MCMBP: variants seen among roughly 807,000 people sequenced by gnomAD.
The protein encoded by MCMBP is mini-chromosome maintenance complex-binding protein.
MCMBP carries 31 observed loss-of-function variants against 81.3 expected under a neutral mutation model. The ratio of observed to expected loss-of-function variants is 0.38; its 90% CI spans 0.29 to 0.51. The LOEUF is 0.51. MCMBP is among the 20% of genes least tolerant of loss of function. The pLI is 0.87. For missense variants in MCMBP, 645 were observed against 772.1 expected (o/e 0.84, Z 1.95); for synonymous variants, 267 against 275.9 (o/e 0.97, Z 0.32).
intron 1 of MCMBP, among the ~76,000 whole-genome samples, chr10:119,866,620 C>T (rs1464154707): frequency 6.7e-6 from 1 of 149,644 alleles, no homozygotes; most frequent in South Asian, 2.1e-4. Context: ...AGTGAGACTC[C>T]GTCTCAAAAA....
chr10:119,840,689 G>A (rs1034605019), intron 11 of MCMBP, among the ~76,000 whole-genome samples, 154 bp downstream of exon 11: 6 of 152,196 alleles, frequency 3.9e-5, no homozygotes, highest in Admixed American at 3.3e-4. Flanking sequence ...TTAGGGGAAC[G>A]TACATTTTAA....
chr10:119,842,841 C>T (rs140192989), intron 9 of MCMBP: 334 of 398,368 alleles, frequency 8.4e-4, no homozygotes, highest in African/African-American at 5.2e-3. Flanking sequence ...CTCAGCTCAC[C>T]GCAACCTCTG....
At chr10:119,847,331 T>C (rs1162654882) in intron 8 of MCMBP, among the ~76,000 whole-genome samples, 1 of 152,220 alleles carries the variant, frequency 6.6e-6, no homozygotes, top group Non-Finnish European at 1.5e-5. Context: ...TTTTGATACC[T>C]GTACTCTAAT....
At position 119,843,432 on chromosome 10, in the gene MCMBP, G is replaced by A; in HGVS notation, c.828-6C>T. The A allele has an allele frequency of 1.2e-6, 2 of 1,610,598 alleles. No individual in the cohort carries two copies. The highest frequency in any genetic ancestry group is 1.7e-6 in the Non-Finnish European group (2 of 1,177,532). On this transcript the variant is annotated splice_polypyrimidine_tract_variant and splice_region_variant and intron_variant, in intron 8 of 15. Transcript: ENST00000369077. ...CCAGCAGTGCAGAGGCATCCCTGTGGAGAGGTGATAAAGTTTCAATTTAGA... is the reference window on the plus strand; with the variant it reads ...CCAGCAGTGCAGAGGCATCCCTGTGAAGAGGTGATAAAGTTTCAATTTAGA...
At chr10:119,870,040 C>A (rs1174763045) in intron 1 of MCMBP, among the ~76,000 whole-genome samples, 1 of 152,210 alleles carries the variant, frequency 6.6e-6, no homozygotes, top group Non-Finnish European at 1.5e-5. Flanking sequence ...TAAATAGCCA[C>A]ACATGGCTAC....
chr10:119,833,863 T>C (rs1008528544), intron 14 of MCMBP, among the ~76,000 whole-genome samples: 6 of 151,916 alleles, frequency 3.9e-5, no homozygotes, highest in African/African-American at 1.5e-4. Context: ...TTCAGGAAAA[T>C]ATGAGAATCA....
Position 119,853,111 on chromosome 10 carries a change from A to G in MCMBP, c.513T>C (p.Asp171=), listed in dbSNP as rs1330049908. 4 of 1,614,046 alleles carry G rather than the reference A, an allele frequency of 2.5e-6. No homozygotes were observed. Among genetic ancestry groups the G allele is most frequent in the Non-Finnish European group, 2.5e-6 (3 of 1,180,036 alleles). ...PSRHKRSYED[D]DDMDLQPNKQ... ...TATTGGGCTGTAGGTCCATATCGTCATCATCTTCATAACTCCTCTTGTGGC... is the reference window on the plus strand; with the variant it reads ...TATTGGGCTGTAGGTCCATATCGTCGTCATCTTCATAACTCCTCTTGTGGC... Residue 171 remains aspartate (D), a synonymous_variant, in exon 6 of 16, where the codon GAT becomes GAC. Transcript: ENST00000369077.
chr10:119,853,129 C>T lies in MCMBP; in HGVS notation c.495G>A (p.Lys165=). 6.2e-7 allele frequency: 1 copy of T among 1,614,168 alleles called. No individual in the cohort carries two copies. The highest frequency in any genetic ancestry group is 1.1e-5 in the South Asian group (1 of 91,082). Residue 165 remains lysine, a synonymous_variant, in exon 6 of 16, where the codon AAG becomes AAA. Coordinates refer to ENST00000369077, the MANE Select transcript of MCMBP (RefSeq NM_001256378.2). The part of the protein sequence containing the change: ...PSTSYTPSRH[K]RSYEDDDDMD... ...TATCGTCATCATCTTCATAACTCCTCTTGTGGCGACTAGGAGTGTAGGATG... is the reference window on the plus strand; with the variant it reads ...TATCGTCATCATCTTCATAACTCCTTTTGTGGCGACTAGGAGTGTAGGATG...
intron 14 of MCMBP, among the ~76,000 whole-genome samples, chr10:119,834,380 A>C (rs962850079): frequency 1.4e-4 from 21 of 152,224 alleles, no homozygotes; most frequent in African/African-American, 5.1e-4. Flanking sequence ...ATCAGAAACT[A>C]GTTGGCTTCT....
At chr10:119,869,104 G>T (rs77109135) in intron 1 of MCMBP, among the ~76,000 whole-genome samples, 1 of 152,196 alleles carries the variant, frequency 6.6e-6, no homozygotes, top group Admixed American at 6.5e-5. Flanking sequence ...CTGTTCCAGC[G>T]TCCAGGAAAG....
intron 11 of MCMBP, 100 bp from the exon 12 acceptor site, chr10:119,838,800 A>G (rs1341940941): frequency 3.7e-6 from 4 of 1,091,100 alleles, no homozygotes; most frequent in Middle Eastern, 3.1e-4. Context: ...GGAAAAAGTG[A>G]TCTTATAAAT....
chr10:119,868,761 C>T (rs1853561800), intron 1 of MCMBP, among the ~76,000 whole-genome samples: 1 of 152,066 alleles, frequency 6.6e-6, no homozygotes, highest in African/African-American at 2.4e-5. Flanking sequence ...AACTTAAGTT[C>T]CCAAAGGAAA....
At chr10:119,861,928 G>T (rs929252920) in intron 1 of MCMBP, among the ~76,000 whole-genome samples, 3 of 152,028 alleles carry the variant, frequency 2.0e-5, no homozygotes, top group African/African-American at 4.8e-5. Flanking sequence ...TTTTTGTAGA[G>T]ATGGAGGTCT....
intron 1 of MCMBP, among the ~76,000 whole-genome samples, chr10:119,862,476 T>C (rs924049689): frequency 2.0e-5 from 3 of 152,212 alleles, no homozygotes; most frequent in African/African-American, 7.2e-5. Flanking sequence ...TCCTAGTAAA[T>C]CTTCAAGCAT....
chr10:119,853,574 G>T (rs978463771), intron 5 of MCMBP, among the ~76,000 whole-genome samples: 3 of 152,220 alleles, frequency 2.0e-5, no homozygotes, highest in African/African-American at 7.2e-5. Context: ...CTCTTACTGG[G>T]TGGAGAAGAC....
intron 13 of MCMBP, 112 bp downstream of exon 13, chr10:119,836,784 T>G (rs1438304240): frequency 3.7e-5 from 6 of 163,666 alleles, no homozygotes; most frequent in African/African-American, 2.0e-4. Context: ...TTTTTTTTTT[T>G]TTTTTTTTTT....
In MCMBP at chr10:119,836,782, T is replaced by G. The variant is rs1852262882; in HGVS notation, c.1542+114A>C. 3 of 165,880 alleles carry G rather than the reference T, an allele frequency of 1.8e-5. 1 individual carries two copies. Among genetic ancestry groups the G allele is most frequent in the African/African-American group, 5.4e-5 (1 of 18,616 alleles). The allele number at this position is 165,880 out of a possible 1,614,324, so 10.3% of individuals were successfully genotyped here. ...GTTTTTTTTTTTTTTTTTTTTTTTT[T>G]TTTTTTTTTTTTACAACAAATGTAA... On this transcript the variant is annotated intron_variant, in intron 13 of 15. Transcript: ENST00000369077.
At chr10:119,857,271 G>T in intron 5 of MCMBP, 67 bp downstream of exon 5, 1 of 1,140,312 alleles carries the variant, frequency 8.8e-7, no homozygotes, top group Non-Finnish European at 1.3e-6. Context: ...CTTTGCAAAG[G>T]AAGAATAATT....
intron 7 of MCMBP, 96 bp downstream of exon 7, chr10:119,849,329 G>C (rs1239497946): frequency 6.2e-6 from 8 of 1,292,210 alleles, no homozygotes; most frequent in Non-Finnish European, 8.6e-6. Flanking sequence ...GCTATAGCTA[G>C]CCCAGCACAA....
Sources: allele counts gnomAD v4.1 joint callset (sites outside exome capture counted in the v4.1 genomes callset), GRCh38; gene constraint gnomAD v4.1.1; transcripts MANE v1.5; gene names NCBI Gene and HGNC (gene_info 2026-07-23, HGNC 2026-07-21).